PDS5B: variants seen among roughly 807,000 people sequenced by gnomAD.
PDS5B encodes sister chromatid cohesion protein PDS5 homolog B.
Under a neutral mutation model 184.1 loss-of-function variants are expected in PDS5B, and 51 were observed. That is an observed-to-expected ratio of 0.28 (90% CI 0.22 to 0.35). The LOEUF (loss-of-function observed/expected upper bound fraction) is 0.35. Among genes scored for constraint, PDS5B ranks in the 10% least tolerant of loss-of-function variants. PDS5B has a pLI of 1.00. For missense variants in PDS5B, 1,180 were observed against 1,723.3 expected, an observed-to-expected ratio of 0.68 and a Z score of 5.58; for synonymous variants, 566 against 569.2, an observed-to-expected ratio of 0.99 and a Z score of 0.08.
intron 1 of PDS5B, among the ~76,000 whole-genome samples, chr13:32,646,369 G>GTTTTTTTTT (rs58539534): frequency 1.2e-4 from 13 of 106,084 alleles, no homozygotes; most frequent in African/African-American, 4.3e-4. Context: ...TCATGGCTGT[G>GTTTTTTTTT]TTTTTTTTTT....
intron 1 of PDS5B, among the ~76,000 whole-genome samples, chr13:32,626,611 T>G (rs200784717): frequency 1.4e-5 from 2 of 143,328 alleles, no homozygotes; most frequent in Non-Finnish European, 3.0e-5. Context: ...AGTCTTGCTG[T>G]TTTTTTTTTA....
At chr13:32,614,087 G>A (rs548198633) in intron 1 of PDS5B, among the ~76,000 whole-genome samples, 3 of 152,228 alleles carry the variant, frequency 2.0e-5, no homozygotes, top group Admixed American at 6.5e-5. Flanking sequence ...TTCCATTGGT[G>A]TATATCTCAT....
rs1954747353 is a variant in PDS5B at position 32,770,560 on chromosome 13, G to A, written c.4064G>A (p.Arg1355Lys). 6.2e-7 allele frequency: 1 copy of A among 1,604,308 alleles called. No individual in the cohort carries two copies. Among genetic ancestry groups the A allele is most frequent in the African/African-American group, 1.4e-5 (1 of 74,028 alleles). ...QHRVSRRAQQ[R>K]AESPESSAIE... is the part of the protein sequence containing the mutation. ...CGAGTGTCAAGGAGAGCACAGCAGA[G>A]GTAAGCATGTGTAACTCTAAACTGC... Residue 1355 changes from arginine to lysine, a missense_variant and splice_region_variant, in exon 32 of 35, where the codon AGA (arginine) becomes AAA (lysine). Coordinates refer to ENST00000315596, the MANE Select transcript of PDS5B (RefSeq NM_015032.4).
rs911904328 is a variant in PDS5B at position 32,608,120 on chromosome 13, C to T, written c.-20+21527C>T. Among the ~76,000 whole-genome samples the T allele has an allele frequency of 4.6e-5, 7 of 152,286 alleles. No individual in the cohort carries two copies. In the East Asian group the frequency reaches 9.7e-4, roughly 21 times the overall value. ...AAATGCAGAAATCACCCGTGTTCTG[C>T]GTCGCTCATGCTGGGAGCTCTAGAC... On this transcript the variant is annotated intron_variant, in intron 1 of 34. Transcript: ENST00000315596.
At chr13:32,729,201 G>A (rs2140944607) in intron 19 of PDS5B, among the ~76,000 whole-genome samples, 1 of 152,186 alleles carries the variant, frequency 6.6e-6, no homozygotes, top group Admixed American at 6.5e-5. Flanking sequence ...GTGTTGTTTG[G>A]TTTTCTATTC....
At chr13:32,633,441 C>A (rs1418682342) in intron 1 of PDS5B, among the ~76,000 whole-genome samples, 2 of 152,188 alleles carry the variant, frequency 1.3e-5, no homozygotes, top group Non-Finnish European at 2.9e-5. Flanking sequence ...AACCAGCTAT[C>A]CGTGTTTGGA....
At position 32,759,638 on chromosome 13, in the gene PDS5B, A is replaced by C; in HGVS notation, c.3320A>C (p.Asn1107Thr). The C allele has an allele frequency of 6.5e-7, 1 of 1,548,440 alleles. No individual in the cohort carries two copies. Among genetic ancestry groups the C allele is most frequent in the Non-Finnish European group, 8.9e-7 (1 of 1,129,652 alleles). ...TTCTCTTGGTTGTAGAATTTCAGTA[A>C]CACCAAAAATTATCTGCCTCCTGAA... ...FFTQPDKNFS[N>T]TKNYLPPEMK... The change falls in exon 29 of 35, where the codon AAC becomes ACC. Residue 1107 changes from asparagine (N) to threonine (T), a missense_variant. This residue lies in a region of PDS5B where 465 missense variants were observed against 497.8 expected (regional missense o/e 0.93). Coordinates refer to ENST00000315596, the MANE Select transcript of PDS5B (RefSeq NM_015032.4).
chr13:32,764,222 T>G (rs9596218), intron 30 of PDS5B, among the ~76,000 whole-genome samples: 48,617 of 152,022 alleles, frequency 0.32, 9,465 homozygotes, highest in Non-Finnish European at 0.44. Flanking sequence ...ATTGGTTCTA[T>G]GATCTGACCC....
intron 3 of PDS5B, 143 bp downstream of exon 3, chr13:32,652,150 T>C (rs1436130136): frequency 6.4e-6 from 4 of 625,716 alleles, no homozygotes; most frequent in Non-Finnish European, 1.1e-5. Flanking sequence ...TTAATGTTTT[T>C]TTTTTTTTTT....
In PDS5B at chr13:32,762,148, A is replaced by G. The variant is rs116786704; in HGVS notation, c.3518+1428A>G. Among the ~76,000 whole-genome samples, 135 of 152,212 alleles carry G rather than the reference A, an allele frequency of 8.9e-4. 2 individuals carry two copies. Among genetic ancestry groups the G allele is most frequent in the African/African-American group, 3.2e-3 (134 of 41,562 alleles). ...TTGCTCATTAAAGAAGAGTTTTTAA[A>G]ATGATTCTTTGAGAAAAACAAAAGG... On this transcript the variant is annotated intron_variant, in intron 30 of 34. Coordinates refer to ENST00000315596, the MANE Select transcript of PDS5B (RefSeq NM_015032.4).
chr13:32,687,114 T>C lies in PDS5B; in HGVS notation c.1204-20T>C. On this transcript the variant is annotated intron_variant, in intron 11 of 34. Coordinates refer to ENST00000315596, the MANE Select transcript of PDS5B (RefSeq NM_015032.4). ...AATGGAAGCCTTTTTACATTATAAA[T>C]AAAACTTTTTGTTTTTAAGTGGAGA... The C allele has an allele frequency of 6.4e-7, 1 of 1,571,248 alleles. No homozygotes were observed. The highest frequency in any genetic ancestry group is 8.6e-7 in the Non-Finnish European group (1 of 1,162,138).
chr13:32,666,149 C>T (rs1015824490), intron 6 of PDS5B, among the ~76,000 whole-genome samples: 4 of 152,196 alleles, frequency 2.6e-5, no homozygotes, highest in African/African-American at 4.8e-5. Context: ...GGTGCAATCT[C>T]AGCTCACTGC....
intron 1 of PDS5B, among the ~76,000 whole-genome samples, chr13:32,630,690 G>T (rs886303002): frequency 6.6e-6 from 1 of 152,012 alleles, no homozygotes; most frequent in Non-Finnish European, 1.5e-5. Context: ...TCAGGTATTT[G>T]CATGGTTTAT....
intron 1 of PDS5B, among the ~76,000 whole-genome samples, chr13:32,616,202 C>T (rs995698550): frequency 4.5e-4 from 69 of 151,986 alleles, no homozygotes; most frequent in African/African-American, 1.4e-3. Flanking sequence ...TACAGGCACC[C>T]GCCACCACAC....
At chr13:32,715,999 T>C (rs572778574) in intron 19 of PDS5B, among the ~76,000 whole-genome samples, 7 of 152,368 alleles carry the variant, frequency 4.6e-5, no homozygotes, top group Admixed American at 6.5e-5. Flanking sequence ...GGCGTGATCT[T>C]GGCTCGCTAC....
At chr13:32,607,842 G>T (rs1409595931) in intron 1 of PDS5B, among the ~76,000 whole-genome samples, 2 of 152,244 alleles carry the variant, frequency 1.3e-5, no homozygotes. Context: ...GGCTCCGTGG[G>T]TGTGGGACCC....
At chr13:32,598,770 C>CT (rs756301581) in intron 1 of PDS5B, among the ~76,000 whole-genome samples, 1,445 of 126,330 alleles carry the variant, frequency 0.011, 45 homozygotes, top group Middle Eastern at 0.031. Flanking sequence ...TTTTTTCTCT[C>CT]TTTTTTTTTT....
At chr13:32,646,251 C>G (rs1566279583) in intron 1 of PDS5B, among the ~76,000 whole-genome samples, 1 of 152,148 alleles carries the variant, frequency 6.6e-6, no homozygotes, top group Non-Finnish European at 1.5e-5. Flanking sequence ...AAGTGATCCA[C>G]CTGCCTTAGC....
chr13:32,702,908 A>G (rs574506259), intron 17 of PDS5B, among the ~76,000 whole-genome samples: 62 of 152,248 alleles, frequency 4.1e-4, no homozygotes, highest in African/African-American at 1.4e-3. Context: ...AGGTGTTTTA[A>G]TTGTCTATGG....
Sources: allele counts gnomAD v4.1 joint callset (sites outside exome capture counted in the v4.1 genomes callset), GRCh38; gene constraint gnomAD v4.1.1; regional missense constraint gnomAD v4.1.1; transcripts MANE v1.5; gene names NCBI Gene and HGNC (gene_info 2026-07-23, HGNC 2026-07-21).